SLIT2: variants seen among roughly 807,000 people sequenced by gnomAD.
SLIT2 encodes the protein slit homolog 2 protein.
SLIT2 carries 41 observed loss-of-function variants against 185.7 expected under a neutral mutation model. The observed-to-expected ratio is 0.22, with a 90% CI of 0.17 to 0.29. The LOEUF (loss-of-function observed/expected upper bound fraction) is 0.29. SLIT2 is among the 10% of genes least tolerant of loss of function. The pLI is 1.00. For synonymous variants in SLIT2, 693 were observed against 680.2 expected (o/e 1.02, Z -0.29); for missense variants, 1,571 against 1,909.0 (o/e 0.82, Z 3.30).
chr4:20,273,451 C>T (rs755464459), intron 4 of SLIT2, among the ~76,000 whole-genome samples: 15 of 151,950 alleles, frequency 9.9e-5, no homozygotes, highest in Non-Finnish European at 2.1e-4. Context: ...TAGAAGCTCT[C>T]ATCAAGTGTT....
At chr4:20,276,726 G>T (rs1042586662) in intron 4 of SLIT2, among the ~76,000 whole-genome samples, 1 of 152,162 alleles carries the variant, frequency 6.6e-6, no homozygotes, top group African/African-American at 2.4e-5. Flanking sequence ...GTGAATAGCT[G>T]AGAACAGCAC....
intron 4 of SLIT2, among the ~76,000 whole-genome samples, chr4:20,376,478 A>C (rs1724032059): frequency 6.6e-6 from 1 of 152,086 alleles, no homozygotes; most frequent in Non-Finnish European, 1.5e-5. Context: ...TCAGTTACCC[A>C]AAAATTCAAC....
chr4:20,449,461 T>G (rs565482192), intron 4 of SLIT2, among the ~76,000 whole-genome samples: 1 of 152,264 alleles, frequency 6.6e-6, no homozygotes, highest in African/African-American at 2.4e-5. Context: ...TAGACTGGAG[T>G]GCAGTGGTGC....
chr4:20,367,416 G>A (rs1723204709), intron 4 of SLIT2, among the ~76,000 whole-genome samples: 1 of 152,134 alleles, frequency 6.6e-6, no homozygotes, highest in African/African-American at 2.4e-5. Context: ...AAAACTAATA[G>A]TGTGTTTTCA....
chr4:20,605,059 C>T (rs1560233975), intron 33 of SLIT2, among the ~76,000 whole-genome samples: 1 of 151,536 alleles, frequency 6.6e-6, no homozygotes, highest in Non-Finnish European at 1.5e-5. Flanking sequence ...TAGACTCGAA[C>T]TCCTGACATC....
intron 4 of SLIT2, among the ~76,000 whole-genome samples, chr4:20,405,692 G>A (rs951538868): frequency 1.3e-5 from 2 of 151,798 alleles, no homozygotes; most frequent in East Asian, 3.9e-4. Flanking sequence ...TTCCATAAGA[G>A]ATGTTATTTG....
chr4:20,259,929 G>T (rs1712259984), intron 3 of SLIT2, among the ~76,000 whole-genome samples: 2 of 151,802 alleles, frequency 1.3e-5, no homozygotes, highest in East Asian at 1.9e-4. Context: ...TCTGATGGAA[G>T]CACATTGTTA....
At chr4:20,545,838 G>T (rs1438321837) in intron 21 of SLIT2, among the ~76,000 whole-genome samples, 193 bp from the exon 22 acceptor site, 1 of 151,678 alleles carries the variant, frequency 6.6e-6, no homozygotes, top group Non-Finnish European at 1.5e-5. Context: ...ACAAAGAACT[G>T]GACTCGTGGA....
chr4:20,343,149 T>C (rs1721103149), intron 4 of SLIT2, among the ~76,000 whole-genome samples: 1 of 152,020 alleles, frequency 6.6e-6, no homozygotes, highest in Non-Finnish European at 1.5e-5. Flanking sequence ...TATCAAAGGT[T>C]AGGATTTATT....
At chr4:20,433,778 G>A (rs558076629) in intron 4 of SLIT2, among the ~76,000 whole-genome samples, 17 of 152,128 alleles carry the variant, frequency 1.1e-4, no homozygotes, top group African/African-American at 3.9e-4. Flanking sequence ...CTGCCTCTTC[G>A]TAATTAACTC....
chr4:20,509,326 CA>C (rs1719494978), intron 9 of SLIT2, among the ~76,000 whole-genome samples: 1 of 151,810 alleles, frequency 6.6e-6, no homozygotes, highest in African/African-American at 2.4e-5. Context: ...AGGAAGGTAA[CA>C]GGGAAAAAAC....
In SLIT2 at chr4:20,484,941, T is replaced by C. The variant is rs1281492830; in HGVS notation, c.540-1259T>C. Among the ~76,000 whole-genome samples, 1 of 152,172 alleles carries C rather than the reference T, an allele frequency of 6.6e-6. No individual in the cohort carries two copies. Among genetic ancestry groups the C allele is most frequent in the Non-Finnish European group, 1.5e-5 (1 of 68,012 alleles). On this transcript the variant is annotated intron_variant, in intron 6 of 36. Coordinates refer to ENST00000504154, the MANE Select transcript of SLIT2 (RefSeq NM_004787.4). The surrounding 1 kb of genome is among the most constrained non-coding windows in gnomAD (Gnocchi z 4.3). ...GCCCATCATTGTATATTTTTGCACG[T>C]GGCCTGCTTCGCTCATTTCTGTTCT...
intron 4 of SLIT2, among the ~76,000 whole-genome samples, chr4:20,281,980 A>G (rs1429502737): frequency 6.6e-6 from 1 of 152,228 alleles, no homozygotes; most frequent in African/African-American, 2.4e-5. Context: ...GAAGCATGGC[A>G]TGCAGGAATA....
At chr4:20,510,947 C>T (rs141737257) in intron 10 of SLIT2, 119 bp from the exon 11 acceptor site, 503 of 599,954 alleles carry the variant, frequency 8.4e-4, no homozygotes, top group Non-Finnish European at 1.1e-3. Flanking sequence ...CAATGTTGCA[C>T]GTTTTGGACA....
At chr4:20,551,003 A>G (rs1244184456) in intron 25 of SLIT2, 105 bp downstream of exon 25, 1 of 588,976 alleles carries the variant, frequency 1.7e-6, no homozygotes, top group African/African-American at 1.9e-5. Context: ...ATAAGATGTA[A>G]TTGGTTTCAT....
At chr4:20,289,496 G>A (rs950700863) in intron 4 of SLIT2, among the ~76,000 whole-genome samples, 1 of 151,980 alleles carries the variant, frequency 6.6e-6, no homozygotes, top group African/African-American at 2.4e-5. Context: ...ATCCACATGG[G>A]TGCCTTATCA....
intron 9 of SLIT2, among the ~76,000 whole-genome samples, chr4:20,501,580 G>T (rs939214920): frequency 6.6e-6 from 1 of 152,104 alleles, no homozygotes; most frequent in Non-Finnish European, 1.5e-5. Context: ...CACCACACCC[G>T]GCAGATTCTC....
At chr4:20,450,834 T>C (rs868492943) in intron 4 of SLIT2, among the ~76,000 whole-genome samples, 4 of 152,322 alleles carry the variant, frequency 2.6e-5, no homozygotes, top group Middle Eastern at 3.4e-3. Flanking sequence ...ATGAAAGTTG[T>C]GTTGTGGTAC....
At chr4:20,341,087 T>G (rs1720925563) in intron 4 of SLIT2, among the ~76,000 whole-genome samples, 1 of 152,110 alleles carries the variant, frequency 6.6e-6, no homozygotes, top group Non-Finnish European at 1.5e-5. Context: ...AGACAGCCAG[T>G]GTAGGGCCTT....
Sources: allele counts gnomAD v4.1 joint callset (sites outside exome capture counted in the v4.1 genomes callset), GRCh38; gene constraint gnomAD v4.1.1; non-coding constraint Gnocchi (gnomAD v3.1); transcripts MANE v1.5; gene names NCBI Gene and HGNC (gene_info 2026-07-23, HGNC 2026-07-21).